Variants in ELAVL1 observed in about 807,000 individuals in gnomAD.
The protein encoded by ELAVL1 is ELAV like RNA binding protein 1.
In ELAVL1, 1 loss-of-function variant was observed where a neutral mutation model predicts 28.4. That is an observed-to-expected ratio of 0.04 (90% confidence interval 0.01 to 0.17). The LOEUF (loss-of-function observed/expected upper bound fraction) is 0.17. Ranked by LOEUF, ELAVL1 falls within the 10% of genes least tolerant of loss-of-function variation. The pLI is 1.00. For missense variants in ELAVL1, 157 were observed against 447.2 expected (o/e 0.35, Z 5.85); for synonymous variants, 174 against 183.5 (o/e 0.95, Z 0.42).
At chr19:7,964,928 C>G (rs754635769) in intron 5 of ELAVL1, among the ~76,000 whole-genome samples, 3 of 152,184 alleles carry the variant, frequency 2.0e-5, no homozygotes, top group African/African-American at 4.8e-5. Context: ...ATTACCTGCT[C>G]CAAAATAAAA....
chr19:7,980,715 G>A (rs1172570565), intron 3 of ELAVL1, among the ~76,000 whole-genome samples: 2 of 152,212 alleles, frequency 1.3e-5, no homozygotes, highest in Non-Finnish European at 2.9e-5. Flanking sequence ...GGGGCACACA[G>A]TAGGTGCTGA....
At chr19:7,999,492 T>C (rs569670805) in intron 1 of ELAVL1, among the ~76,000 whole-genome samples, 2 of 152,360 alleles carry the variant, frequency 1.3e-5, no homozygotes, top group South Asian at 4.1e-4. Context: ...CTATCATTAT[T>C]TGCCTTACAC....
intron 1 of ELAVL1, among the ~76,000 whole-genome samples, chr19:8,004,228 C>CA (rs1555713914): frequency 1.3e-5 from 2 of 152,236 alleles, no homozygotes; most frequent in Non-Finnish European, 2.9e-5. Context: ...AGACCACGCA[C>CA]AACGCAACGG....
At chr19:8,000,058 T>C (rs1237844675) in intron 1 of ELAVL1, among the ~76,000 whole-genome samples, 1 of 152,172 alleles carries the variant, frequency 6.6e-6, no homozygotes, top group Non-Finnish European at 1.5e-5. Context: ...ATTACAAGCA[T>C]GAGCCACCAC....
At chr19:7,984,091 C>G (rs1421974700) in intron 2 of ELAVL1, among the ~76,000 whole-genome samples, 1 of 152,114 alleles carries the variant, frequency 6.6e-6, no homozygotes, top group African/African-American at 2.4e-5. Flanking sequence ...CCACACATGC[C>G]CACACCTGCC....
rs1416252196 is a variant in ELAVL1, at chr19:7,991,610, T to A, written c.172+34A>T. On this transcript the variant is annotated intron_variant, in intron 2 of 5. Transcript: ENST00000407627. The stretch of plus-strand genomic sequence containing the variant: ...ACAGTGCCCAAAGGATGGCCACCAA[T>A]ACCCGGTTTACTAAAACGCCTCCAT... 1.9e-6 allele frequency: 3 copies of A among 1,591,222 alleles called. No individual in the cohort carries two copies. The South Asian group carries it at 3.4e-5, about 18-fold the overall frequency.
At chr19:7,998,141 G>A (rs1052271613) in intron 1 of ELAVL1, among the ~76,000 whole-genome samples, 1 of 152,104 alleles carries the variant, frequency 6.6e-6, no homozygotes, top group African/African-American at 2.4e-5. Flanking sequence ...TGACGTTTCT[G>A]GGCCCCCACC....
At chr19:8,003,355 C>CA (rs71165248) in intron 1 of ELAVL1, among the ~76,000 whole-genome samples, 20,706 of 60,898 alleles carry the variant, frequency 0.34, 3,402 homozygotes, top group East Asian at 0.58. Flanking sequence ...GAAACTGTCT[C>CA]AAAAAAAAAA....
rs996611146 is a variant in ELAVL1 at position 8,004,976 on chromosome 19, A to AT, written c.-17+518dup. ...GCGCTCAAAAAAAGATGCAGTTTAG[A>AT]TTTTTTTTTTCCCCCAGGACTCCCG... On this transcript the variant is annotated intron_variant, in intron 1 of 5. Transcript: ENST00000407627. Among the ~76,000 whole-genome samples the AT allele has an allele frequency of 2.2e-3, 338 of 150,558 alleles. 1 individual carries two copies. Among genetic ancestry groups the AT allele is most frequent in the African/African-American group, 2.8e-3 (115 of 41,044 alleles).
intron 2 of ELAVL1, among the ~76,000 whole-genome samples, chr19:7,983,807 T>A (rs1160725426): frequency 6.6e-6 from 1 of 152,096 alleles, no homozygotes; most frequent in East Asian, 1.9e-4. Context: ...AGTCCCTGCT[T>A]CCTCATCTCC....
At chr19:7,988,518 G>A (rs2092874603) in intron 2 of ELAVL1, among the ~76,000 whole-genome samples, 1 of 152,196 alleles carries the variant, frequency 6.6e-6, no homozygotes, top group Admixed American at 6.5e-5. Flanking sequence ...AGGAGGAGGT[G>A]CTCCTGAAAG....
chr19:7,968,477 G>T (rs941907833), intron 4 of ELAVL1, among the ~76,000 whole-genome samples: 1 of 152,220 alleles, frequency 6.6e-6, no homozygotes, highest in Non-Finnish European at 1.5e-5. Context: ...AGAATCAAAT[G>T]AGGCCAGAAC....
chr19:7,969,125 C>T (rs1446145713), intron 4 of ELAVL1, among the ~76,000 whole-genome samples: 2 of 152,188 alleles, frequency 1.3e-5, no homozygotes, highest in Non-Finnish European at 2.9e-5. Context: ...TCAACTACTC[C>T]AGAGGCTGAG....
chr19:7,973,747 C>G lies in ELAVL1; in HGVS notation c.408G>C (p.Arg136=), dbSNP rs760471250. Residue 136 remains arginine, a synonymous_variant, in exon 4 of 6, where the codon CGG becomes CGC. Coordinates refer to ENST00000407627, the MANE Select transcript of ELAVL1 (RefSeq NM_001419.3). ...TACCTGTAGTCTGATCCACGAGGAC[C>G]CGCGAGTTGATGATCCGCCCAAACC... ...FSRFGRIINS[R]VLVDQTTGLS... The G allele has an allele frequency of 5.6e-6, 9 of 1,613,986 alleles. No individual in the cohort carries two copies. The highest frequency in any genetic ancestry group is 1.1e-5 in the South Asian group (1 of 91,082).
intron 1 of ELAVL1, among the ~76,000 whole-genome samples, chr19:7,999,121 C>T (rs1439096243): frequency 2.0e-5 from 3 of 152,316 alleles, no homozygotes; most frequent in African/African-American, 7.2e-5. Context: ...GCCTGTAATC[C>T]CAGCAATGTG....
chr19:7,969,109 G>A (rs1985034436), intron 4 of ELAVL1, among the ~76,000 whole-genome samples: 1 of 152,228 alleles, frequency 6.6e-6, no homozygotes, highest in Admixed American at 6.5e-5. Context: ...GCTCATGCCT[G>A]TGGTCTCAAC....
At chr19:7,991,868 T>C (rs766955709) in intron 1 of ELAVL1, 37 bp from the exon 2 acceptor site, 8 of 1,550,146 alleles carry the variant, frequency 5.2e-6, no homozygotes, top group Non-Finnish European at 6.1e-6. Flanking sequence ...TTCAAAATGT[T>C]CATATTGCAG....
At chr19:7,972,352 C>A (rs118107220) in intron 4 of ELAVL1, among the ~76,000 whole-genome samples, 7 of 152,254 alleles carry the variant, frequency 4.6e-5, no homozygotes, top group African/African-American at 1.7e-4. Flanking sequence ...GGAGCACAGC[C>A]GTGGGCGTGC....
intron 2 of ELAVL1, among the ~76,000 whole-genome samples, chr19:7,989,184 G>A (rs558599252): frequency 2.0e-5 from 3 of 152,276 alleles, no homozygotes; most frequent in Admixed American, 6.5e-5. Flanking sequence ...ACCTAGCGCC[G>A]TGCCCCGGGC....
Sources: gnomAD v4.1 joint callset for allele counts (sites outside exome capture counted in the v4.1 genomes callset) on GRCh38, gnomAD v4.1.1 for gene constraint, MANE v1.5 for transcripts, NCBI Gene and HGNC (gene_info 2026-07-23, HGNC 2026-07-21) for gene names.